The following MALRD1 variants were observed in gnomAD, a reference collection of about 807,000 sequenced individuals.
The protein encoded by MALRD1 is MAM and LDL receptor class A domain containing 1.
In MALRD1, 247 loss-of-function variants were observed where a neutral mutation model predicts 242.1. The observed-to-expected ratio is 1.02, with a 90% CI of 0.92 to 1.13. The LOEUF is 1.13. Among genes scored for constraint, MALRD1 ranks in the 50% most tolerant of loss-of-function variants. The pLI, the probability that MALRD1 is intolerant of heterozygous loss-of-function variation, is 0.00. For missense variants in MALRD1, 2,989 were observed against 2,533.1 expected, an observed-to-expected ratio of 1.18 and a Z score of -3.86; for synonymous variants, 995 against 866.6, an observed-to-expected ratio of 1.15 and a Z score of -2.60.
intron 18 of MALRD1, among the ~76,000 whole-genome samples, chr10:19,213,635 C>G (rs1837172018): frequency 6.6e-6 from 1 of 152,172 alleles, no homozygotes; most frequent in Non-Finnish European, 1.5e-5. Context: ...TTGATTTACT[C>G]TGGATCGGTT....
intron 26 of MALRD1, among the ~76,000 whole-genome samples, chr10:19,364,047 G>A (rs61850919): frequency 0.013 from 1,956 of 152,112 alleles, 46 homozygotes; most frequent in African/African-American, 0.044. Context: ...GGATTGTGAA[G>A]GGGCCAAAAA....
chr10:19,252,939 C>A (rs2131792166), intron 18 of MALRD1, among the ~76,000 whole-genome samples: 1 of 151,914 alleles, frequency 6.6e-6, no homozygotes, highest in Admixed American at 6.6e-5. Context: ...GCAAATAGTT[C>A]CCTCAGTATT....
At chr10:19,262,919 G>A (rs945731366) in intron 19 of MALRD1, among the ~76,000 whole-genome samples, 12 of 152,118 alleles carry the variant, frequency 7.9e-5, no homozygotes, top group Non-Finnish European at 1.6e-4. Context: ...TTCACTTAGT[G>A]TAATGGACAT....
At chr10:19,419,241 A>G (rs1833626185) in intron 28 of MALRD1, among the ~76,000 whole-genome samples, 1 of 151,150 alleles carries the variant, frequency 6.6e-6, no homozygotes. Flanking sequence ...CCTTATTCTC[A>G]TTCTCCTTCT....
intron 18 of MALRD1, among the ~76,000 whole-genome samples, chr10:19,241,932 A>G (rs1838799662): frequency 6.6e-6 from 1 of 152,120 alleles, no homozygotes; most frequent in Non-Finnish European, 1.5e-5. Flanking sequence ...TTCATATGAT[A>G]TCTGTCTTCT....
intron 18 of MALRD1, among the ~76,000 whole-genome samples, chr10:19,246,259 C>A (rs143946430): frequency 6.6e-6 from 1 of 152,050 alleles, no homozygotes; most frequent in African/African-American, 2.4e-5. Flanking sequence ...TTTTGATAAC[C>A]AGCTAGCATA....
At chr10:19,171,963 CATAT>C (rs1212897786) in intron 13 of MALRD1, among the ~76,000 whole-genome samples, 1 of 46,080 alleles carries the variant, frequency 2.2e-5, no homozygotes, top group African/African-American at 9.6e-5. Context: ...GTATATATCA[CATAT>C]ATGTGATATA....
chr10:19,283,226 T>C, intron 21 of MALRD1, 45 bp downstream of exon 21: 1 of 1,367,680 alleles, frequency 7.3e-7, no homozygotes, highest in Non-Finnish European at 9.6e-7. Context: ...GAAATATTTA[T>C]TAAGCATCTC....
intron 29 of MALRD1, chr10:19,489,354 A>G (rs1564384865): frequency 1.8e-6 from 1 of 543,466 alleles, no homozygotes; most frequent in Non-Finnish European, 3.7e-6. Flanking sequence ...AAAACTGAGG[A>G]GAGTCCAGCC....
intron 11 of MALRD1, among the ~76,000 whole-genome samples, chr10:19,148,807 A>ATATC (rs1554797988): frequency 1.4e-4 from 21 of 145,312 alleles, no homozygotes; most frequent in African/African-American, 5.1e-4. Context: ...ATATATATAT[A>ATATC]TATCTGGATC....
chr10:19,671,405 G>T (rs1841913563), intron 36 of MALRD1, among the ~76,000 whole-genome samples: 1 of 152,080 alleles, frequency 6.6e-6, no homozygotes, highest in Admixed American at 6.5e-5. Context: ...ATCACCTGAG[G>T]TTAGAAGTTC....
intron 28 of MALRD1, among the ~76,000 whole-genome samples, chr10:19,402,999 A>G (rs916655215): frequency 9.2e-5 from 4 of 43,622 alleles, no homozygotes; most frequent in East Asian, 6.3e-4. Flanking sequence ...GACTCATATA[A>G]TGTTAGAAAA....
In MALRD1 at chr10:19,683,942, C is replaced by T. The variant is rs1037054428; in HGVS notation, c.6138-8340C>T. On this transcript the variant is annotated intron_variant, in intron 36 of 39. Transcript: ENST00000454679. ...CTCCCTCCCCTTGTCCCTCACCCCC[C>T]AGCAGGCCCCGGTGTGTGATGTTCC... Among the ~76,000 whole-genome samples, 4 of 152,160 alleles carry T rather than the reference C, an allele frequency of 2.6e-5. No homozygotes were observed. The South Asian group carries it at 8.3e-4, about 32-fold the overall frequency.
At chr10:19,409,444 G>A (rs535596575) in intron 28 of MALRD1, among the ~76,000 whole-genome samples, 14 of 151,912 alleles carry the variant, frequency 9.2e-5, no homozygotes, top group Non-Finnish European at 1.9e-4. Context: ...AACAGAGTGA[G>A]ACCCCATCTT....
At chr10:19,356,127 T>C (rs12217495) in intron 26 of MALRD1, among the ~76,000 whole-genome samples, 22,091 of 151,438 alleles carry the variant, frequency 0.15, 1,628 homozygotes, top group South Asian at 0.16. Flanking sequence ...ACCACTACAG[T>C]AGTTACAGGA....
intron 21 of MALRD1, among the ~76,000 whole-genome samples, chr10:19,292,080 C>CA (rs756211363): frequency 0.042 from 3,660 of 87,864 alleles, 124 homozygotes; most frequent in African/African-American, 0.069. Flanking sequence ...AAGACCGTCT[C>CA]AAAAAAAAAA....
At chr10:19,706,162 TAAAA>T (rs1833855754) in intron 38 of MALRD1, among the ~76,000 whole-genome samples, 1 of 151,912 alleles carries the variant, frequency 6.6e-6, no homozygotes, top group Admixed American at 6.6e-5. Context: ...TTCAAGAAAA[TAAAA>T]GAAAATGCAG....
chr10:19,238,672 G>A (rs1446020990), intron 18 of MALRD1, among the ~76,000 whole-genome samples: 1 of 131,822 alleles, frequency 7.6e-6, no homozygotes, highest in Non-Finnish European at 1.7e-5. Context: ...AAACATAAGA[G>A]TGCAGATATT....
chr10:19,608,123 TAAGAA>T (rs1838726007), intron 35 of MALRD1, among the ~76,000 whole-genome samples: 1 of 152,138 alleles, frequency 6.6e-6, no homozygotes, highest in Non-Finnish European at 1.5e-5. Context: ...CAATGTTTGA[TAAGAA>T]AAGAAAAATC....
Sources: allele counts gnomAD v4.1 joint callset (sites outside exome capture counted in the v4.1 genomes callset), GRCh38; gene constraint gnomAD v4.1.1; transcripts MANE v1.5; gene names NCBI Gene and HGNC (gene_info 2026-07-23, HGNC 2026-07-21).